CLIP2: variants seen among roughly 807,000 people sequenced by gnomAD.
The protein encoded by CLIP2 is CAP-Gly domain containing linker protein 2.
In CLIP2, 41 loss-of-function variants were observed where a neutral mutation model predicts 111.7. The ratio of observed to expected loss-of-function variants is 0.37; its 90% CI spans 0.29 to 0.48. The LOEUF is 0.48. Ranked by LOEUF, CLIP2 falls within the 20% of genes least tolerant of loss-of-function variation. The pLI, the probability that CLIP2 is intolerant of heterozygous loss-of-function variation, is 0.99. For missense variants in CLIP2, 1,160 were observed against 1,422.1 expected (o/e 0.82, Z 2.96); for synonymous variants, 660 against 644.2 (o/e 1.02, Z -0.37).
chr7:74,366,962 C>T (rs1349573035), intron 8 of CLIP2, among the ~76,000 whole-genome samples: 24 of 151,900 alleles, frequency 1.6e-4, no homozygotes, highest in Non-Finnish European at 1.5e-5. Flanking sequence ...TTGCCGGCAG[C>T]CCCTGATGCT....
intron 8 of CLIP2, among the ~76,000 whole-genome samples, 161 bp from the exon 9 acceptor site, chr7:74,372,771 A>T (rs1165911230): frequency 2.0e-5 from 3 of 150,788 alleles, no homozygotes; most frequent in Non-Finnish European, 4.4e-5. Context: ...TCGCTGAGCA[A>T]TTCTGGCTCA....
chr7:74,373,128 T>C (rs1417830237), intron 9 of CLIP2, 92 bp downstream of exon 9: 2 of 699,618 alleles, frequency 2.9e-6, no homozygotes, highest in South Asian at 3.6e-5. Flanking sequence ...ACTCTCTTTC[T>C]TTAGCTGCTA....
intron 11 of CLIP2, among the ~76,000 whole-genome samples, chr7:74,384,181 C>T (rs1309282133): frequency 6.6e-6 from 1 of 151,996 alleles, no homozygotes; most frequent in African/African-American, 2.4e-5. Context: ...CAGAGTGAGA[C>T]TCCATCTCAA....
At chr7:74,346,388 A>G (rs1004692512) in intron 3 of CLIP2, among the ~76,000 whole-genome samples, 3 of 152,182 alleles carry the variant, frequency 2.0e-5, no homozygotes, top group Non-Finnish European at 4.4e-5. Context: ...GTTGGCCTCT[A>G]GAAATGAGGC....
chr7:74,301,987 A>G (rs1204204173), intron 1 of CLIP2, among the ~76,000 whole-genome samples: 1 of 152,058 alleles, frequency 6.6e-6, no homozygotes, highest in Non-Finnish European at 1.5e-5. Flanking sequence ...TGCTGGGATT[A>G]CAGGCACGAG....
At chr7:74,340,035 A>G (rs1441263753) in intron 3 of CLIP2, among the ~76,000 whole-genome samples, 2 of 152,144 alleles carry the variant, frequency 1.3e-5, no homozygotes, top group Non-Finnish European at 2.9e-5. Context: ...CAGAGGTTGC[A>G]GTGAGCCAAG....
chr7:74,309,943 A>G (rs1788599574), intron 1 of CLIP2, among the ~76,000 whole-genome samples: 1 of 149,852 alleles, frequency 6.7e-6, no homozygotes, highest in Admixed American at 6.8e-5. Flanking sequence ...TCATACCTTT[A>G]ATCCCAGCAC....
chr7:74,390,208 A>T (rs1791255944), intron 13 of CLIP2, among the ~76,000 whole-genome samples: 1 of 98,512 alleles, frequency 1.0e-5, no homozygotes, highest in Admixed American at 9.5e-5. Flanking sequence ...AAAGAAAGAA[A>T]GAAAGAAAGA....
chr7:74,328,949 G>A (rs1363745260), intron 2 of CLIP2, among the ~76,000 whole-genome samples: 3 of 150,692 alleles, frequency 2.0e-5, no homozygotes, highest in African/African-American at 7.3e-5. Context: ...GTCTCATTCT[G>A]TCGCCCAGGC....
At chr7:74,311,071 C>CT (rs1381160095) in intron 1 of CLIP2, among the ~76,000 whole-genome samples, 3 of 151,910 alleles carry the variant, frequency 2.0e-5, no homozygotes, top group Non-Finnish European at 4.4e-5. Context: ...GCTCTGCCCC[C>CT]TGGGTTCACG....
intron 1 of CLIP2, among the ~76,000 whole-genome samples, chr7:74,296,089 G>C (rs1451907641): frequency 1.3e-5 from 2 of 150,640 alleles, no homozygotes; most frequent in African/African-American, 2.4e-5. Context: ...CATCCAATAT[G>C]ACCATTGTCC....
At chr7:74,330,474 C>G (rs1324740394) in intron 2 of CLIP2, among the ~76,000 whole-genome samples, 1 of 151,948 alleles carries the variant, frequency 6.6e-6, no homozygotes, top group Non-Finnish European at 1.5e-5. Context: ...CCAGGCTGGT[C>G]TCGAGCTTCT....
Position 74,363,895 on chromosome 7 carries a change from CA to C in CLIP2, c.1320-344del, listed in dbSNP as rs11438621. Among the ~76,000 whole-genome samples the C allele has an allele frequency of 3.0e-3, 289 of 96,642 alleles. 2 individuals carry two copies. The highest frequency in any genetic ancestry group is 3.6e-3 in the Non-Finnish European group (184 of 50,924). 63.4% of individuals were successfully genotyped at this position (96,642 alleles called of 152,430 possible). On this transcript the variant is annotated intron_variant, in intron 7 of 16. Transcript: ENST00000223398. The stretch of plus-strand genomic sequence containing the variant: ...TGGGCAACAGAGCGAGACTCTGTCT[CA>C]AAAAAAAAAAAAAAAGGGAGGGAGG...
chr7:74,341,802 G>T (rs1300615441), intron 3 of CLIP2, among the ~76,000 whole-genome samples: 1 of 152,078 alleles, frequency 6.6e-6, no homozygotes, highest in Non-Finnish European at 1.5e-5. Flanking sequence ...CTTCCCCTGG[G>T]TGACCTGGTG....
intron 1 of CLIP2, among the ~76,000 whole-genome samples, chr7:74,312,240 A>C (rs1788659126): frequency 6.6e-6 from 1 of 152,096 alleles, no homozygotes. Flanking sequence ...TCCGTCTCCA[A>C]ATAAATAAAT....
At chr7:74,315,379 A>T (rs1321015779) in intron 1 of CLIP2, among the ~76,000 whole-genome samples, 6 of 151,598 alleles carry the variant, frequency 4.0e-5, no homozygotes, top group African/African-American at 1.5e-4. Context: ...ATTAATATGT[A>T]ATCTTTGCTT....
intron 11 of CLIP2, among the ~76,000 whole-genome samples, chr7:74,382,734 T>G (rs1382389833): frequency 6.6e-6 from 1 of 152,014 alleles, no homozygotes; most frequent in Non-Finnish European, 1.5e-5. Context: ...CTTTGTCATT[T>G]GCCTTTTTAC....
At chr7:74,373,368 C>T (rs535868363) in intron 9 of CLIP2, among the ~76,000 whole-genome samples, 6 of 152,228 alleles carry the variant, frequency 3.9e-5, no homozygotes, top group African/African-American at 1.4e-4. Flanking sequence ...CGTGGTGGCT[C>T]ATGCCTGTGA....
intron 3 of CLIP2, among the ~76,000 whole-genome samples, chr7:74,344,356 G>A (rs1386642462): frequency 3.9e-5 from 6 of 152,078 alleles, no homozygotes; most frequent in African/African-American, 1.4e-4. Flanking sequence ...CTTTCTGGGA[G>A]GGCATACCTC....
Sources: gnomAD v4.1 joint callset for allele counts (sites outside exome capture counted in the v4.1 genomes callset) on GRCh38, gnomAD v4.1.1 for gene constraint, MANE v1.5 for transcripts, NCBI Gene and HGNC (gene_info 2026-07-23, HGNC 2026-07-21) for gene names.